The following XKR6 variants were observed in gnomAD, a reference collection of about 807,000 sequenced individuals.
XKR6 encodes XK related 6.
A neutral mutation model predicts 56.7 loss-of-function variants in XKR6; 22 were observed. The ratio of observed to expected loss-of-function variants is 0.39; its 90% CI spans 0.28 to 0.55. The LOEUF (loss-of-function observed/expected upper bound fraction) is 0.55. XKR6 is among the 20% of genes least tolerant of loss of function. XKR6 has a pLI of 0.66. For synonymous variants in XKR6, 524 were observed against 387.8 expected, an observed-to-expected ratio of 1.35 and a Z score of -4.13; for missense variants, 852 against 889.0, an observed-to-expected ratio of 0.96 and a Z score of 0.53.
chr8:11,136,095 C>G (rs1456945901), intron 1 of XKR6, among the ~76,000 whole-genome samples: 1 of 152,108 alleles, frequency 6.6e-6, no homozygotes, highest in Non-Finnish European at 1.5e-5. Context: ...AACATAAAAA[C>G]TAGTGCATCC....
chr8:10,965,964 T>G (rs1455173735), intron 1 of XKR6, among the ~76,000 whole-genome samples: 1 of 152,148 alleles, frequency 6.6e-6, no homozygotes, highest in African/African-American at 2.4e-5. Context: ...GGCATCAAAT[T>G]CACCTTCCAG....
At chr8:11,161,460 T>A (rs1159930433) in intron 1 of XKR6, among the ~76,000 whole-genome samples, 1 of 152,242 alleles carries the variant, frequency 6.6e-6, no homozygotes, top group Non-Finnish European at 1.5e-5. Flanking sequence ...CTCTTTTCAC[T>A]CACCCATAAC....
At chr8:11,101,257 G>A (rs568477764) in intron 1 of XKR6, among the ~76,000 whole-genome samples, 117 of 152,300 alleles carry the variant, frequency 7.7e-4, no homozygotes, top group African/African-American at 2.4e-3. Context: ...AAATTGGAAA[G>A]AACCTGAATA....
At chr8:11,009,341 T>C (rs774862496) in intron 1 of XKR6, among the ~76,000 whole-genome samples, 5 of 152,108 alleles carry the variant, frequency 3.3e-5, no homozygotes, top group Non-Finnish European at 5.9e-5. Flanking sequence ...AGAGACCCTG[T>C]CTTTACAAAA....
chr8:11,071,894 T>C (rs978354118), intron 1 of XKR6, among the ~76,000 whole-genome samples: 1 of 152,218 alleles, frequency 6.6e-6, no homozygotes, highest in Admixed American at 6.5e-5. Context: ...TAATACTGTG[T>C]CCTCTGAATA....
At chr8:10,950,932 A>G (rs1293040462) in intron 1 of XKR6, among the ~76,000 whole-genome samples, 1 of 152,166 alleles carries the variant, frequency 6.6e-6, no homozygotes, top group African/African-American at 2.4e-5. Flanking sequence ...AGGTGCAGAG[A>G]CGGCGAGTTA....
intron 2 of XKR6, among the ~76,000 whole-genome samples, chr8:10,902,740 C>A (rs1800071940): frequency 6.6e-6 from 1 of 152,212 alleles, no homozygotes; most frequent in Admixed American, 6.5e-5. Context: ...AAGAAGAACA[C>A]CTCTGACCAC....
chr8:10,977,372 G>T (rs570812352), intron 1 of XKR6, among the ~76,000 whole-genome samples: 1 of 151,968 alleles, frequency 6.6e-6, no homozygotes, highest in East Asian at 1.9e-4. Context: ...TGTGGAGAAT[G>T]ACAAATTCCC....
chr8:10,936,975 G>T (rs1801219132), intron 1 of XKR6, among the ~76,000 whole-genome samples: 4 of 95,984 alleles, frequency 4.2e-5, no homozygotes, highest in Admixed American at 1.2e-4. Flanking sequence ...AAGTTCTCCT[G>T]GATAATATCC....
At chr8:10,916,021 G>A (rs1405833205) in intron 2 of XKR6, among the ~76,000 whole-genome samples, 2 of 152,234 alleles carry the variant, frequency 1.3e-5, no homozygotes, top group Non-Finnish European at 1.5e-5. Flanking sequence ...AGATGTATGT[G>A]CCGCTGGGGC....
intron 1 of XKR6, among the ~76,000 whole-genome samples, chr8:11,029,395 A>G (rs756398366): frequency 1.4e-4 from 21 of 152,272 alleles, no homozygotes; most frequent in East Asian, 1.9e-4. Flanking sequence ...ATGTGATGGT[A>G]TTAGGAAATG....
At chr8:11,016,435 G>T (rs1798624832) in intron 1 of XKR6, among the ~76,000 whole-genome samples, 1 of 152,196 alleles carries the variant, frequency 6.6e-6, no homozygotes, top group African/African-American at 2.4e-5. Context: ...AGTAGCGCAG[G>T]TCTGGGGGCG....
At position 11,075,974 on chromosome 8, in the gene XKR6, G is replaced by T. The variant is rs139789675; in HGVS notation, c.764+124602C>A. Among the ~76,000 whole-genome samples, 479 of 152,308 alleles carry T rather than the reference G, an allele frequency of 3.1e-3. 2 individuals carry two copies. The highest frequency in any genetic ancestry group is 0.011 in the African/African-American group (451 of 41,548). ...GCCAAAAGATGGAAGCAGCCCCAGC[G>T]TCACTTGACACATGAATGGAGAAAC... is the stretch of plus-strand genomic sequence containing the variant. On this transcript the variant is annotated intron_variant, in intron 1 of 2. Transcript: ENST00000416569.
At chr8:11,016,474 A>G (rs1431880148) in intron 1 of XKR6, among the ~76,000 whole-genome samples, 1 of 152,166 alleles carries the variant, frequency 6.6e-6, no homozygotes, top group Non-Finnish European at 1.5e-5. Context: ...ACAACAAGCT[A>G]GATCCTGAGC....
At chr8:10,974,095 C>A (rs1334168810) in intron 1 of XKR6, among the ~76,000 whole-genome samples, 1 of 152,134 alleles carries the variant, frequency 6.6e-6, no homozygotes, top group Non-Finnish European at 1.5e-5. Flanking sequence ...GTCCAGTGAT[C>A]TCTTGTCATT....
At chr8:11,194,635 T>C (rs891641399) in intron 1 of XKR6, 1 of 152,726 alleles carries the variant, frequency 6.5e-6, no homozygotes, top group African/African-American at 2.4e-5. Context: ...AATGGCAACA[T>C]CAGAGACACA....
rs2129106410 is a variant in XKR6 at position 10,898,249 on chromosome 8, G to A, written c.1629C>T (p.Pro543=). The A allele has an allele frequency of 6.2e-7, 1 of 1,614,152 alleles. No homozygotes were observed. The highest frequency in any genetic ancestry group is 8.5e-7 in the Non-Finnish European group (1 of 1,180,026). ...IPGYRGTQVT[P]TRAVTEQQED... is the part of the protein sequence containing the mutation. ...CCTGTTGTTCCGTTACGGCTCTGGTGGGCGTAACCTGGGTCCCCCGGTACC... is the reference window on the plus strand; with the variant it reads ...CCTGTTGTTCCGTTACGGCTCTGGTAGGCGTAACCTGGGTCCCCCGGTACC... The change falls in exon 3 of 3, where the codon CCC becomes CCT. Residue 543 remains proline, a synonymous_variant. Transcript: ENST00000416569. This position sits in a 1 kb window ranked among gnomAD's most constrained non-coding sequence, Gnocchi z 6.6.
intron 1 of XKR6, among the ~76,000 whole-genome samples, chr8:11,028,446 A>G (rs1337777537): frequency 6.6e-6 from 1 of 152,240 alleles, no homozygotes; most frequent in African/African-American, 2.4e-5. Flanking sequence ...ATAATTTTCA[A>G]TTCCTTTGGG....
intron 1 of XKR6, among the ~76,000 whole-genome samples, chr8:10,932,299 T>A (rs1318004920): frequency 1.3e-5 from 2 of 152,178 alleles, no homozygotes; most frequent in Non-Finnish European, 2.9e-5. Context: ...CAGTGGACAG[T>A]CTCTCATAAA....
Sources: gnomAD v4.1 joint callset for allele counts (sites outside exome capture counted in the v4.1 genomes callset) on GRCh38, gnomAD v4.1.1 for gene constraint, Gnocchi (gnomAD v3.1) non-coding constraint, MANE v1.5 for transcripts, NCBI Gene and HGNC (gene_info 2026-07-23, HGNC 2026-07-21) for gene names.